The following DPP6 variants were observed in gnomAD, a reference collection of about 807,000 sequenced individuals.
DPP6 encodes the protein A-type potassium channel modulatory protein DPP6.
Under a neutral mutation model 122.6 loss-of-function variants are expected in DPP6, and 69 were observed. That is an observed-to-expected ratio of 0.56 (90% CI 0.46 to 0.69). DPP6 has a LOEUF of 0.69. Ranked by LOEUF, DPP6 falls within the 30% of genes least tolerant of loss-of-function variation. The pLI is 0.00. For synonymous variants in DPP6, 418 were observed against 433.1 expected, an observed-to-expected ratio of 0.97 and a Z score of 0.43; for missense variants, 928 against 1,116.9, an observed-to-expected ratio of 0.83 and a Z score of 2.41.
intron 18 of DPP6, among the ~76,000 whole-genome samples, chr7:154,868,524 G>A (rs1309708533): frequency 6.6e-6 from 1 of 152,180 alleles, no homozygotes; most frequent in African/African-American, 2.4e-5. Context: ...GGAGGTTTGA[G>A]TGCTGTTACT....
chr7:153,839,895 A>G, the DPP6 span, among the ~76,000 whole-genome samples: 1 of 152,222 alleles, frequency 6.6e-6, no homozygotes, highest in African/African-American at 2.4e-5. Flanking sequence ...CTTGAGGTCC[A>G]CATTTGGAGA....
intron 8 of DPP6, among the ~76,000 whole-genome samples, chr7:154,740,895 A>G (rs1842788916): frequency 6.6e-6 from 1 of 152,140 alleles, no homozygotes; most frequent in Admixed American, 6.5e-5. Context: ...CCCTAAAGGA[A>G]TCAGTCTTCT....
Position 153,953,456 on chromosome 7 carries a change from G to A in DPP6, c.51+65722G>A, listed in dbSNP as rs59106693. Among the ~76,000 whole-genome samples, 456 of 152,200 alleles carry A rather than the reference G, an allele frequency of 3.0e-3. 4 individuals carry two copies. Among genetic ancestry groups the A allele is most frequent in the African/African-American group, 9.8e-3 (405 of 41,518 alleles). ...TTTTCCCACCAACCCTCAAAATTCC[G>A]TGTGCTGTCTGTGGAATTCATGCAC... On this transcript the variant is annotated intron_variant, in intron 1 of 25. Coordinates refer to the DPP6 transcript ENST00000404039.
At chr7:154,291,326 A>G (rs1805198200) in intron 1 of DPP6, among the ~76,000 whole-genome samples, 1 of 152,180 alleles carries the variant, frequency 6.6e-6, no homozygotes, top group Non-Finnish European at 1.5e-5. Context: ...GGGAAGTTGC[A>G]TTCCAGTTAT....
the DPP6 span, among the ~76,000 whole-genome samples, chr7:153,806,895 A>G: frequency 6.6e-6 from 1 of 152,064 alleles, no homozygotes; most frequent in Admixed American, 6.5e-5. Flanking sequence ...AAAAACTACC[A>G]GGGAAATCTG....
intron 1 of DPP6, among the ~76,000 whole-genome samples, chr7:154,239,835 GAAAA>G (rs1563354903): frequency 7.5e-6 from 1 of 133,580 alleles, no homozygotes; most frequent in Non-Finnish European, 1.6e-5. Flanking sequence ...AAAAAAAAAA[GAAAA>G]AGAAAAGCCA....
chr7:154,721,358 TGCTTAACA>T (rs1841797640), intron 7 of DPP6, among the ~76,000 whole-genome samples: 1 of 152,180 alleles, frequency 6.6e-6, no homozygotes, highest in Non-Finnish European at 1.5e-5. Flanking sequence ...CTGGGCAAGT[TGCTTAACA>T]GCTCTGTGCT....
chr7:154,033,810 C>A (rs1799380495), intron 1 of DPP6, among the ~76,000 whole-genome samples: 1 of 151,544 alleles, frequency 6.6e-6, no homozygotes, highest in African/African-American at 2.4e-5. Flanking sequence ...AATGCCTCTT[C>A]TTACTTGGTG....
At chr7:154,012,081 A>G (rs2129049113) in intron 1 of DPP6, among the ~76,000 whole-genome samples, 1 of 152,340 alleles carries the variant, frequency 6.6e-6, no homozygotes, top group East Asian at 1.9e-4. Context: ...CACAAATGGT[A>G]CAACTGAGGC....
intron 6 of DPP6, among the ~76,000 whole-genome samples, chr7:154,661,581 C>T (rs1276292326): frequency 8.3e-6 from 1 of 121,196 alleles, no homozygotes; most frequent in Non-Finnish European, 1.7e-5. Flanking sequence ...ATCACCATGG[C>T]GTATTGGCCG....
chr7:154,645,771 G>A (rs1478230473), intron 6 of DPP6, among the ~76,000 whole-genome samples: 1 of 152,064 alleles, frequency 6.6e-6, no homozygotes, highest in African/African-American at 2.4e-5. Flanking sequence ...GTTCACGCCT[G>A]TAATCCCAGC....
intron 1 of DPP6, among the ~76,000 whole-genome samples, chr7:153,991,365 C>T (rs1345949694): frequency 6.6e-6 from 1 of 152,306 alleles, no homozygotes; most frequent in Admixed American, 6.5e-5. Flanking sequence ...TTTCTACTTA[C>T]ATTTCCTGAA....
chr7:153,946,728 G>T (rs999655202), intron 1 of DPP6, among the ~76,000 whole-genome samples: 3 of 152,124 alleles, frequency 2.0e-5, no homozygotes, highest in Non-Finnish European at 4.4e-5. Flanking sequence ...TACCATAGCA[G>T]TTTGGATAAG....
chr7:154,073,941 G>A (rs1221994235), intron 1 of DPP6, among the ~76,000 whole-genome samples: 2 of 152,218 alleles, frequency 1.3e-5, no homozygotes, highest in African/African-American at 4.8e-5. Flanking sequence ...AGCTGAGATT[G>A]TGCCACTGCA....
the DPP6 span, among the ~76,000 whole-genome samples, chr7:153,803,457 C>G: frequency 1.2e-4 from 18 of 151,736 alleles, no homozygotes; most frequent in South Asian, 4.2e-4. Flanking sequence ...CTTTCTGCCC[C>G]TGCCTACCTG....
intron 1 of DPP6, among the ~76,000 whole-genome samples, chr7:154,141,254 C>A (rs116535750): frequency 6.6e-6 from 1 of 152,138 alleles, no homozygotes; most frequent in Non-Finnish European, 1.5e-5. Flanking sequence ...TGCCTTCTGG[C>A]GAATTAAAAT....
At chr7:154,294,835 G>A (rs779360698) in intron 1 of DPP6, among the ~76,000 whole-genome samples, 16 of 152,126 alleles carry the variant, frequency 1.1e-4, no homozygotes, top group Non-Finnish European at 1.5e-4. Flanking sequence ...GTGTTCCCCC[G>A]ACAATCTGTG....
At chr7:153,954,696 C>G (rs1237694597) in intron 1 of DPP6, among the ~76,000 whole-genome samples, 4 of 152,168 alleles carry the variant, frequency 2.6e-5, no homozygotes, top group Admixed American at 6.5e-5. Flanking sequence ...CCAAATAGAG[C>G]AAAAGACTGA....
At chr7:153,936,579 G>A (rs1389383860) in intron 1 of DPP6, among the ~76,000 whole-genome samples, 1 of 152,070 alleles carries the variant, frequency 6.6e-6, no homozygotes, top group Non-Finnish European at 1.5e-5. Context: ...GGCCGAGACA[G>A]CCGGATCACA....
Sources: allele counts gnomAD v4.1 joint callset (sites outside exome capture counted in the v4.1 genomes callset), GRCh38; gene constraint gnomAD v4.1.1; transcripts MANE v1.5; gene names NCBI Gene and HGNC (gene_info 2026-07-23, HGNC 2026-07-21).